The following ZNF560 variants were observed in gnomAD, a reference collection of about 807,000 sequenced individuals.
ZNF560 encodes zinc finger protein 560.
ZNF560 carries 54 observed loss-of-function variants against 81.8 expected under a neutral mutation model. That is an observed-to-expected ratio of 0.66 (90% CI 0.53 to 0.83). The LOEUF (loss-of-function observed/expected upper bound fraction) is 0.83. Ranked by LOEUF, ZNF560 falls within the 40% of genes least tolerant of loss-of-function variation. ZNF560 has a pLI of 0.00. For synonymous variants in ZNF560, 321 were observed against 317.9 expected, an observed-to-expected ratio of 1.01 and a Z score of -0.10; for missense variants, 940 against 932.4, an observed-to-expected ratio of 1.01 and a Z score of -0.11.
intron 2 of ZNF560, among the ~76,000 whole-genome samples, chr19:9,491,461 A>C (rs1272406189): frequency 6.6e-6 from 1 of 152,006 alleles, no homozygotes; most frequent in African/African-American, 2.4e-5. Flanking sequence ...TCTAGACCAT[A>C]TCAAGATATC....
chr19:9,462,569 G>A (rs2072950143), downstream of ZNF560, among the ~76,000 whole-genome samples: 1 of 152,024 alleles, frequency 6.6e-6, no homozygotes, highest in Non-Finnish European at 1.5e-5. Flanking sequence ...CTGCTGGATT[G>A]TGGTCTCCAT....
chr19:9,446,615 T>G, the ZNF560 span, among the ~76,000 whole-genome samples: 3 of 152,268 alleles, frequency 2.0e-5, no homozygotes, highest in African/African-American at 4.8e-5. Context: ...CAAGAAAATA[T>G]AGCAAAAGTG....
chr19:9,500,392 C>CT (rs2073623499), upstream of ZNF560, among the ~76,000 whole-genome samples: 1 of 83,658 alleles, frequency 1.2e-5, no homozygotes, highest in East Asian at 3.4e-4. Context: ...AAAACTTCAT[C>CT]TCAAAAAAAA....
At chr19:9,495,977 C>T (rs977443529) in intron 2 of ZNF560, among the ~76,000 whole-genome samples, 8 of 152,308 alleles carry the variant, frequency 5.3e-5, no homozygotes, top group Admixed American at 6.5e-5. Flanking sequence ...CATTCAGAAA[C>T]TGCCAAATGG....
chr19:9,473,000 C>G (rs549582368), intron 5 of ZNF560, among the ~76,000 whole-genome samples, 179 bp downstream of exon 5: 1 of 152,214 alleles, frequency 6.6e-6, no homozygotes, highest in East Asian at 1.9e-4. Flanking sequence ...TCACCTGAAG[C>G]AGATGTCAGA....
Position 9,467,237 on chromosome 19 carries a change from T to C in ZNF560, c.1710A>G (p.Lys570=). 1 of 1,614,096 alleles carries C rather than the reference T, an allele frequency of 6.2e-7. No homozygotes were observed. The change falls in exon 10 of 10, where the codon AAA becomes AAG. Residue 570 remains lysine (K), a synonymous_variant. Transcript: ENST00000301480. The part of the protein sequence containing the change: ...TKHLRTHAGE[K]PYECMKCGKA... ...TCCCACATTTCATACATTCATAGGG[T>C]TTCTCTCCAGCGTGTGTTCGTAAAT... is the stretch of plus-strand genomic sequence containing the variant.
At chr19:9,469,291 A>G in intron 8 of ZNF560, 104 bp from the exon 9 acceptor site, 1 of 864,582 alleles carries the variant, frequency 1.2e-6, no homozygotes, top group Non-Finnish European at 1.8e-6. Flanking sequence ...AAAATTTGGC[A>G]ATCATATGGG....
At chr19:9,455,676 C>G in the ZNF560 span, among the ~76,000 whole-genome samples, 1 of 152,144 alleles carries the variant, frequency 6.6e-6, no homozygotes, top group Non-Finnish European at 1.5e-5. Context: ...TTCAACTGCT[C>G]AGGATATAGT....
chr19:9,484,627 CA>C (rs60283585), intron 2 of ZNF560, among the ~76,000 whole-genome samples: 10,116 of 79,720 alleles, frequency 0.13, 1,027 homozygotes, highest in African/African-American at 0.32. Flanking sequence ...ACCGAAAATA[CA>C]AAAAAAAAAA....
At chr19:9,505,463 T>C in the ZNF560 span, among the ~76,000 whole-genome samples, 1 of 152,230 alleles carries the variant, frequency 6.6e-6, no homozygotes, top group Non-Finnish European at 1.5e-5. Context: ...GTCTTTATTA[T>C]TTCATCCATT....
chr19:9,466,342 C>G (rs1244870836), downstream of ZNF560, among the ~76,000 whole-genome samples: 1 of 127,090 alleles, frequency 7.9e-6, no homozygotes, highest in Non-Finnish European at 1.7e-5. Flanking sequence ...TGAGACTCAT[C>G]AAAAAAAAAA....
chr19:9,450,247 C>T, the ZNF560 span, among the ~76,000 whole-genome samples: 3 of 151,098 alleles, frequency 2.0e-5, no homozygotes, highest in Non-Finnish European at 2.9e-5. Flanking sequence ...GCCGAGATCG[C>T]GCTATTGCAC....
At chr19:9,459,917 C>G in the ZNF560 span, among the ~76,000 whole-genome samples, 3 of 152,104 alleles carry the variant, frequency 2.0e-5, no homozygotes, top group South Asian at 6.2e-4. Flanking sequence ...ACCCGGGACC[C>G]AGGACATGTT....
At chr19:9,481,120 A>C (rs1000904076) in intron 2 of ZNF560, among the ~76,000 whole-genome samples, 2 of 151,410 alleles carry the variant, frequency 1.3e-5, no homozygotes, top group Non-Finnish European at 2.9e-5. Context: ...ATAACACCAC[A>C]CATCTACACC....
At chr19:9,482,073 A>T (rs1284538460) in intron 2 of ZNF560, among the ~76,000 whole-genome samples, 1 of 152,212 alleles carries the variant, frequency 6.6e-6, no homozygotes, top group Non-Finnish European at 1.5e-5. Flanking sequence ...GCACATATAC[A>T]CAATGGAATA....
chr19:9,501,618 C>T (rs1482238607), upstream of ZNF560, among the ~76,000 whole-genome samples: 2 of 151,732 alleles, frequency 1.3e-5, no homozygotes, highest in Non-Finnish European at 2.9e-5. Context: ...ATCTCAGCCT[C>T]CGAAAGTGCT....
chr19:9,468,298 T>C lies in ZNF560; in HGVS notation c.649A>G (p.Lys217Glu). ...NQNGEELYDC[K>E]QCEDVFCKHP... ...TTACAGAAGACATCTTCACATTGCT[T>C]ACAGTCATAGAGTTCCTCTCCATTT... The change falls in exon 10 of 10, where the codon AAG becomes GAG. Residue 217 changes from lysine to glutamate, a missense_variant. By Grantham distance (56) the Lys-to-Glu change is moderately conservative. Transcript: ENST00000301480. 1 of 1,610,490 alleles carries C rather than the reference T, an allele frequency of 6.2e-7. No homozygotes were observed. The highest frequency in any genetic ancestry group is 8.5e-7 in the Non-Finnish European group (1 of 1,178,730).
chr19:9,474,480 C>T (rs1278163037), intron 3 of ZNF560, among the ~76,000 whole-genome samples, 155 bp from the exon 4 acceptor site: 1 of 152,122 alleles, frequency 6.6e-6, no homozygotes, highest in African/African-American at 2.4e-5. Flanking sequence ...TCAGGTATTC[C>T]TCTCTCTATC....
chr19:9,483,848 G>T (rs2073342496), intron 2 of ZNF560, among the ~76,000 whole-genome samples: 1 of 152,076 alleles, frequency 6.6e-6, no homozygotes, highest in African/African-American at 2.4e-5. Flanking sequence ...TTGTCGAATA[G>T]AAAAGGGGGA....
Sources: allele counts gnomAD v4.1 joint callset (sites outside exome capture counted in the v4.1 genomes callset), GRCh38; gene constraint gnomAD v4.1.1; transcripts MANE v1.5; gene names NCBI Gene and HGNC (gene_info 2026-07-23, HGNC 2026-07-21).